The following PACS2 variants were observed in gnomAD, a reference collection of about 807,000 sequenced individuals.
The protein encoded by PACS2 is PACS1-like protein.
In PACS2, 36 loss-of-function variants were observed where a neutral mutation model predicts 113.0. That is an observed-to-expected ratio of 0.32 (90% CI 0.24 to 0.42). PACS2 has a LOEUF of 0.42. Ranked by LOEUF, PACS2 falls within the 10% of genes least tolerant of loss-of-function variation. The pLI is 1.00. For synonymous variants in PACS2, 589 were observed against 536.1 expected (o/e 1.10, Z -1.36); for missense variants, 1,015 against 1,239.5 (o/e 0.82, Z 2.72).
At chr14:105,394,170 C>G in intron 24 of PACS2, 1 of 984,310 alleles carries the variant, frequency 1.0e-6, no homozygotes, top group Non-Finnish European at 1.2e-6. Context: ...GCCCTGTCTC[C>G]CCACAGGGGT....
intron 1 of PACS2, among the ~76,000 whole-genome samples, chr14:105,331,277 G>A (rs988265563): frequency 1.6e-4 from 25 of 152,174 alleles, no homozygotes; most frequent in African/African-American, 5.5e-4. Flanking sequence ...TAACTGGCAA[G>A]TTTAGTCTGT....
At chr14:105,308,155 C>G (rs1313439188) in intron 1 of PACS2, among the ~76,000 whole-genome samples, 1 of 151,760 alleles carries the variant, frequency 6.6e-6, no homozygotes, top group African/African-American at 2.4e-5. Context: ...AGCACTCCAG[C>G]CTGGACCATA....
At chr14:105,392,035 A>T (rs781959611) in intron 22 of PACS2, 1 of 505,458 alleles carries the variant, frequency 2.0e-6, no homozygotes, top group Non-Finnish European at 3.5e-6. Flanking sequence ...AGCTCTGTAC[A>T]CAGTTGGGGC....
intron 1 of PACS2, among the ~76,000 whole-genome samples, chr14:105,302,750 T>A (rs1195478800): frequency 2.6e-5 from 4 of 151,706 alleles, no homozygotes; most frequent in Non-Finnish European, 4.4e-5. Flanking sequence ...CACACCCAGA[T>A]AATATTTTTT....
At chr14:105,328,628 G>A (rs587719940) in intron 1 of PACS2, among the ~76,000 whole-genome samples, 2 of 152,342 alleles carry the variant, frequency 1.3e-5, no homozygotes, top group South Asian at 4.1e-4. Context: ...ACTGTGGCCA[G>A]GCCCTCCCAG....
intron 1 of PACS2, among the ~76,000 whole-genome samples, chr14:105,331,837 CTCTTTCAG>C (rs1032997340): frequency 6.6e-5 from 10 of 152,216 alleles, no homozygotes; most frequent in Non-Finnish European, 1.2e-4. Flanking sequence ...CCTTCAGAAG[CTCTTTCAG>C]TCTTTCAGTG....
At chr14:105,353,904 C>A (rs2060329554) in intron 3 of PACS2, among the ~76,000 whole-genome samples, 1 of 151,842 alleles carries the variant, frequency 6.6e-6, no homozygotes, top group Non-Finnish European at 1.5e-5. Context: ...GTTTTTCATT[C>A]CTTATCTATG....
chr14:105,352,441 G>T lies in PACS2; in HGVS notation c.271G>T (p.Asp91Tyr). ...GCCCCCCAGTGGACAAGTGGAGACA[G>T]ACCTGGCCCTGACCTTCTCCTTGCA... ...VLPPSGQVET[D>Y]LALTFSLQYP... Residue 91 changes from aspartate (D) to tyrosine (Y), a missense_variant, in exon 3 of 25, where the codon GAC (aspartate) becomes TAC (tyrosine). Asp to Tyr is a radical substitution (Grantham distance 160). Around this residue, in one of 3 missense-constraint regions of PACS2, gnomAD observed 140 missense variants for 135.1 expected, o/e 1.04. Coordinates refer to ENST00000447393, the MANE Select transcript of PACS2 (RefSeq NM_001100913.3). 6.2e-7 allele frequency: 1 copy of T among 1,611,382 alleles called. No homozygotes were observed. Among genetic ancestry groups the T allele is most frequent in the South Asian group, 1.1e-5 (1 of 91,024 alleles).
In PACS2 at chr14:105,366,632, T is replaced by G. The variant is rs1454262679; in HGVS notation, c.424-581T>G. ...TGGCCTGTGAGCCAGGCCTGGTGGG[T>G]GTCTCCTGCTGCTGGAGATTCCGGC... On this transcript the variant is annotated intron_variant, in intron 4 of 24. Transcript: ENST00000447393. The surrounding 1 kb of genome is among the most constrained non-coding windows in gnomAD (Gnocchi z 4.3). 6.6e-6 allele frequency among the ~76,000 whole-genome samples: 1 copy of G among 152,106 alleles called. No homozygotes were observed. The highest frequency in any genetic ancestry group is 1.5e-5 in the Non-Finnish European group (1 of 68,020).
intron 11 of PACS2, 123 bp from the exon 12 acceptor site, chr14:105,380,834 C>A: frequency 2.2e-6 from 2 of 928,350 alleles, no homozygotes; most frequent in Non-Finnish European, 3.1e-6. Flanking sequence ...GCCGGGTCCA[C>A]ATGTAGGAGC....
At chr14:105,377,269 G>A (rs1164197342) in intron 9 of PACS2, among the ~76,000 whole-genome samples, 1 of 152,162 alleles carries the variant, frequency 6.6e-6, no homozygotes, top group East Asian at 1.9e-4. Flanking sequence ...AACTGCAGGG[G>A]ACCTCCGTTC....
rs587710208 is a variant in PACS2, at chr14:105,358,637, C to T, written c.423+3460C>T. Among the ~76,000 whole-genome samples, 12 of 152,216 alleles carry T rather than the reference C, an allele frequency of 7.9e-5. No individual in the cohort carries two copies. Among genetic ancestry groups the T allele is most frequent in the African/African-American group, 2.9e-4 (12 of 41,538 alleles). ...GAAGGTTGACAGACCCATGACCAGG[C>T]GAAGGGGTGACCTGGGAGTGCGGTG... is the stretch of plus-strand genomic sequence containing the variant. On this transcript the variant is annotated intron_variant, in intron 4 of 24. Transcript: ENST00000447393. The surrounding 1 kb of genome is among the most constrained non-coding windows in gnomAD (Gnocchi z 4.9).
intron 20 of PACS2, 76 bp from the exon 21 acceptor site, chr14:105,391,131 G>A: frequency 8.8e-7 from 1 of 1,140,042 alleles, no homozygotes. Flanking sequence ...CGGTGGGGAG[G>A]CGGGAGCCCC....
intron 3 of PACS2, 21 bp downstream of exon 3, chr14:105,352,488 G>T (rs782043823): frequency 6.7e-7 from 1 of 1,483,562 alleles, no homozygotes; most frequent in Non-Finnish European, 9.4e-7. Context: ...CACCAGTGGT[G>T]ACGACACCCT....
At position 105,383,449 on chromosome 14, in the gene PACS2, G is replaced by A; in HGVS notation, c.1716G>A (p.Val572=). Residue 572 remains valine (V), a synonymous_variant, in exon 16 of 25, where the codon GTG becomes GTA. Transcript: ENST00000447393. Reference sequence around the variant, plus strand: ...TCAGTGCCATCCTGCGGCTCTTTGTGGAGCAGCTGTCCCACAAGACACCCG... The same window carrying A: ...TCAGTGCCATCCTGCGGCTCTTTGTAGAGCAGCTGTCCCACAAGACACCCG... ...HYLSAILRLF[V]EQLSHKTPDW... The A allele has an allele frequency of 6.2e-7, 1 of 1,609,420 alleles. No individual in the cohort carries two copies. Among genetic ancestry groups the A allele is most frequent in the Non-Finnish European group, 8.5e-7 (1 of 1,179,658 alleles).
intron 1 of PACS2, among the ~76,000 whole-genome samples, chr14:105,339,470 C>T (rs1466412440): frequency 6.7e-6 from 1 of 149,280 alleles, no homozygotes; most frequent in Admixed American, 6.7e-5. Context: ...CATGCCATTG[C>T]ACTCCAGCCT....
chr14:105,354,984 G>A lies in PACS2; in HGVS notation c.298-68G>A, dbSNP rs1227584394. On this transcript the variant is annotated intron_variant, in intron 3 of 24. Transcript: ENST00000447393. The surrounding 1 kb of genome is among the most constrained non-coding windows in gnomAD (Gnocchi z 4.2). The stretch of plus-strand genomic sequence containing the variant: ...TCGCAGGCTGCAGGGTGGCTGGGCC[G>A]TCAGAGGCCGTGATGCTGCCTGGGG... 1.6e-5 allele frequency: 25 copies of A among 1,553,758 alleles called. No individual in the cohort carries two copies. The highest frequency in any genetic ancestry group is 3.6e-5 in the Admixed American group (2 of 55,196).
chr14:105,363,335 G>A (rs587768499), intron 4 of PACS2, among the ~76,000 whole-genome samples: 3 of 151,830 alleles, frequency 2.0e-5, no homozygotes, highest in Admixed American at 6.5e-5. Context: ...TGTCTTCTAC[G>A]TTGAAAATCT....
intron 22 of PACS2, chr14:105,392,281 CTG>C (rs1461590296): frequency 1.2e-5 from 5 of 402,774 alleles, no homozygotes; most frequent in African/African-American, 8.1e-5. Context: ...CCCCCTGCCT[CTG>C]TGTTTCCAGC....
Sources: gnomAD v4.1 joint callset for allele counts (sites outside exome capture counted in the v4.1 genomes callset) on GRCh38, gnomAD v4.1.1 for gene constraint, gnomAD v4.1.1 regional missense constraint, Gnocchi (gnomAD v3.1) non-coding constraint, MANE v1.5 for transcripts, NCBI Gene and HGNC (gene_info 2026-07-23, HGNC 2026-07-21) for gene names.